CCS: variants seen among roughly 807,000 people sequenced by gnomAD.
CCS encodes the protein superoxide dismutase copper chaperone.
Under a neutral mutation model 35.5 loss-of-function variants are expected in CCS, and 32 were observed. That is an observed-to-expected ratio of 0.90 (90% CI 0.68 to 1.21). The LOEUF (loss-of-function observed/expected upper bound fraction) is 1.21, where lower values mean the gene tolerates loss of function less well. Ranked by LOEUF, CCS falls within the 50% of genes most tolerant of loss-of-function variation. The pLI is 0.00. For synonymous variants in CCS, 130 were observed against 147.2 expected, an observed-to-expected ratio of 0.88 and a Z score of 0.84; for missense variants, 342 against 375.4, an observed-to-expected ratio of 0.91 and a Z score of 0.73.
At position 66,605,377 on chromosome 11, in the gene CCS, C is replaced by T. The variant is rs372097218; in HGVS notation, c.528C>T (p.Asp176=). The T allele has an allele frequency of 8.7e-6, 14 of 1,614,072 alleles. No homozygotes were observed. The highest frequency in any genetic ancestry group is 2.2e-5 in the East Asian group (1 of 44,892). The change falls in exon 6 of 8, where the codon GAC becomes GAT. Residue 176 remains aspartate (D), a synonymous_variant. Coordinates refer to ENST00000533244, the MANE Select transcript of CCS (RefSeq NM_005125.2). The part of the protein sequence containing the change: ...GDLGNVRADA[D]GRAIFRMEDE... ...TGGGCAATGTCCGTGCTGATGCTGA[C>T]GGCCGCGCCATCTTCAGAATGGAGG...
chr11:66,593,777 C>T, intron 2 of CCS, 63 bp downstream of exon 2: 1 of 1,454,082 alleles, frequency 6.9e-7, no homozygotes, highest in South Asian at 1.2e-5. Context: ...CCAGGCGAAT[C>T]TATTAGGCGA....
chr11:66,601,074 G>C (rs1348185402), intron 5 of CCS, among the ~76,000 whole-genome samples: 1 of 152,078 alleles, frequency 6.6e-6, no homozygotes, highest in African/African-American at 2.4e-5. Flanking sequence ...TGTATTTTTA[G>C]TTACTCAATC....
Position 66,605,763 on chromosome 11 carries a change from T to C in CCS, c.733T>C (p.Ser245Pro), listed in dbSNP as rs1858648421. 6.2e-7 allele frequency: 1 copy of C among 1,607,322 alleles called. No individual in the cohort carries two copies. The highest frequency in any genetic ancestry group is 8.5e-7 in the Non-Finnish European group (1 of 1,176,656). ...GLFQNPKQIC[S>P]CDGLTIWEER... is the part of the protein sequence containing the mutation. ...TTTCCAGAACCCCAAGCAGATCTGC[T>C]CTTGCGATGGCCTCACCATCTGGGA... is the stretch of plus-strand genomic sequence containing the variant. Residue 245 changes from serine (S) to proline (P), a missense_variant, in exon 8 of 8, where the codon TCT (serine) becomes CCT (proline). By Grantham distance (74) the Ser-to-Pro change is moderately conservative. Coordinates refer to ENST00000533244, the MANE Select transcript of CCS (RefSeq NM_005125.2).
intron 2 of CCS, among the ~76,000 whole-genome samples, chr11:66,594,774 CAAAAA>C (rs992030660): frequency 3.1e-5 from 2 of 65,022 alleles, no homozygotes. Flanking sequence ...GACCCTCTCT[CAAAAA>C]AAAAAAAAAA....
chr11:66,604,429 T>C (rs1210414361), intron 5 of CCS, among the ~76,000 whole-genome samples: 1 of 152,210 alleles, frequency 6.6e-6, no homozygotes, highest in Admixed American at 6.5e-5. Context: ...CACAGTGAGA[T>C]GCCTGGTTAC....
intron 5 of CCS, among the ~76,000 whole-genome samples, chr11:66,604,055 T>G (rs1858613999): frequency 6.7e-6 from 1 of 148,820 alleles, no homozygotes; most frequent in South Asian, 2.1e-4. Flanking sequence ...AATAAATAAA[T>G]TAATTAATTA....
chr11:66,596,751 G>C (rs1289643524), intron 2 of CCS, among the ~76,000 whole-genome samples: 2 of 152,212 alleles, frequency 1.3e-5, no homozygotes, highest in Non-Finnish European at 2.9e-5. Context: ...GGCGGCCTAG[G>C]AGTGAAACAG....
chr11:66,605,711 T>C lies in CCS; in HGVS notation c.681T>C (p.Cys227=), dbSNP rs1394977685. The change falls in exon 8 of 8, where the codon TGT becomes TGC. Residue 227 remains cysteine, a synonymous_variant. Transcript: ENST00000533244. ...ITGNSGERLA[C]GIIARSAGLF... ...ACACATTCTTCTGCAGGTTGGCCTGTGGCATCATTGCACGCTCCGCTGGCC... is the reference window on the plus strand; with the variant it reads ...ACACATTCTTCTGCAGGTTGGCCTGCGGCATCATTGCACGCTCCGCTGGCC... 3 of 1,583,598 alleles carry C rather than the reference T, an allele frequency of 1.9e-6. No homozygotes were observed. The highest frequency in any genetic ancestry group is 4.5e-5 in the East Asian group (2 of 44,574).
chr11:66,593,719 G>A lies in CCS; in HGVS notation c.112+5G>A. 1.2e-6 allele frequency: 2 copies of A among 1,614,042 alleles called. No individual in the cohort carries two copies. Among genetic ancestry groups the A allele is most frequent in the East Asian group, 2.2e-5 (1 of 44,872 alleles). On this transcript the variant is annotated splice_donor_5th_base_variant and intron_variant, in intron 2 of 7. Transcript: ENST00000533244. ...AATCCCTGCAAGGGGTGGCAGGTAA[G>A]AACAGGGTAAACTTTTCTGCAGACA...
chr11:66,594,746 G>A (rs939156608), intron 2 of CCS, among the ~76,000 whole-genome samples: 2 of 150,874 alleles, frequency 1.3e-5, no homozygotes, highest in African/African-American at 4.9e-5. Flanking sequence ...CTGCACTCCA[G>A]GCTGGGTGAC....
intron 2 of CCS, among the ~76,000 whole-genome samples, chr11:66,594,316 G>A (rs1367944080): frequency 6.6e-6 from 1 of 152,040 alleles, no homozygotes; most frequent in Admixed American, 6.5e-5. Flanking sequence ...CCGAGATCGC[G>A]CCACTGCACT....
chr11:66,605,729 C>A lies in CCS; in HGVS notation c.699C>A (p.Ser233=). The A allele has an allele frequency of 6.3e-7, 1 of 1,599,436 alleles. No homozygotes were observed. The highest frequency in any genetic ancestry group is 8.5e-7 in the Non-Finnish European group (1 of 1,172,380). The change falls in exon 8 of 8, where the codon TCC becomes TCA. Residue 233 remains serine, a synonymous_variant. Transcript: ENST00000533244. ...TGGCCTGTGGCATCATTGCACGCTC[C>A]GCTGGCCTTTTCCAGAACCCCAAGC... The part of the protein sequence containing the change: ...ERLACGIIAR[S]AGLFQNPKQI...
chr11:66,600,475 C>A lies in CCS; in HGVS notation c.429-14C>A. The A allele has an allele frequency of 6.6e-7, 1 of 1,511,692 alleles. No homozygotes were observed. The allele number at this position is 1,511,692 out of a possible 1,614,324, so 93.6% of individuals were successfully genotyped here. On this transcript the variant is annotated splice_polypyrimidine_tract_variant and intron_variant, in intron 4 of 7. Transcript: ENST00000533244. Reference sequence around the variant, plus strand: ...GAGCTGCTTTCCTGCCCACCTGTTTCCTTTCTTTCTTAGCTGTGGGAATCA... The same window carrying A: ...GAGCTGCTTTCCTGCCCACCTGTTTACTTTCTTTCTTAGCTGTGGGAATCA...
chr11:66,595,563 G>A (rs1858463009), intron 2 of CCS, among the ~76,000 whole-genome samples: 1 of 152,090 alleles, frequency 6.6e-6, no homozygotes, highest in Non-Finnish European at 1.5e-5. Flanking sequence ...AAAGAGAGTT[G>A]CCATCTCAGG....
Position 66,599,532 on chromosome 11 carries a change from G to C in CCS, c.324G>C (p.Leu108=). The C allele has an allele frequency of 6.3e-7, 1 of 1,596,156 alleles. No individual in the cohort carries two copies. ...AGGGGGTGGTGCGCTTCCTACAGCTGACCCCTGAGCGCTGCCTCATCGAGG... is the reference window on the plus strand; with the variant it reads ...AGGGGGTGGTGCGCTTCCTACAGCTCACCCCTGAGCGCTGCCTCATCGAGG... ...TVQGVVRFLQ[L]TPERCLIEGT... The change falls in exon 4 of 8, where the codon CTG becomes CTC. Residue 108 remains leucine (L), a synonymous_variant. Coordinates refer to ENST00000533244, the MANE Select transcript of CCS (RefSeq NM_005125.2).
At chr11:66,597,685 A>G (rs1232811082) in intron 2 of CCS, among the ~76,000 whole-genome samples, 5 of 147,002 alleles carry the variant, frequency 3.4e-5, no homozygotes, top group African/African-American at 5.0e-5. Context: ...CCAGGAGGTG[A>G]AGCTTGCAGT....
chr11:66,598,242 C>T (rs1258450368), intron 2 of CCS, among the ~76,000 whole-genome samples: 1 of 151,944 alleles, frequency 6.6e-6, no homozygotes, highest in African/African-American at 2.4e-5. Context: ...TGGCTCATGC[C>T]TGTAATCTCA....
chr11:66,599,410 G>C, intron 3 of CCS, 49 bp from the exon 4 acceptor site: 1 of 1,505,684 alleles, frequency 6.6e-7, no homozygotes, highest in South Asian at 1.3e-5. Context: ...TGCTGAAGAG[G>C]TGTGCTGGGT....
chr11:66,597,055 A>G (rs1357704250), intron 2 of CCS, among the ~76,000 whole-genome samples: 2 of 152,214 alleles, frequency 1.3e-5, no homozygotes, highest in Non-Finnish European at 2.9e-5. Flanking sequence ...AGTACCAAAT[A>G]TGTTAAGACA....
Sources: gnomAD v4.1 joint callset for allele counts (sites outside exome capture counted in the v4.1 genomes callset) on GRCh38, gnomAD v4.1.1 for gene constraint, MANE v1.5 for transcripts, NCBI Gene and HGNC (gene_info 2026-07-23, HGNC 2026-07-21) for gene names.